Variants in CTNND2 observed in about 807,000 individuals in gnomAD.
CTNND2 encodes catenin delta 2.
A neutral mutation model predicts 144.4 loss-of-function variants in CTNND2; 22 were observed. The observed-to-expected ratio is 0.15, with a 90% confidence interval of 0.11 to 0.22. The LOEUF (loss-of-function observed/expected upper bound fraction) is 0.22. CTNND2 is among the 10% of genes least tolerant of loss of function. The pLI is 1.00. For synonymous variants in CTNND2, 751 were observed against 695.6 expected, an observed-to-expected ratio of 1.08 and a Z score of -1.25; for missense variants, 1,353 against 1,618.8, an observed-to-expected ratio of 0.84 and a Z score of 2.82.
At chr5:11,646,006 T>C (rs865986209) in intron 2 of CTNND2, among the ~76,000 whole-genome samples, 19 of 152,296 alleles carry the variant, frequency 1.2e-4, no homozygotes, top group African/African-American at 3.8e-4. Context: ...ATAAAACATA[T>C]GATTCCATTT....
At chr5:11,396,209 G>A (rs1760114604) in intron 6 of CTNND2, among the ~76,000 whole-genome samples, 1 of 152,092 alleles carries the variant, frequency 6.6e-6, no homozygotes, top group South Asian at 2.1e-4. Flanking sequence ...AGGTTAGAAG[G>A]ACTTATGTTG....
chr5:11,293,234 C>T (rs143521055), intron 9 of CTNND2, among the ~76,000 whole-genome samples: 146 of 152,280 alleles, frequency 9.6e-4, no homozygotes, highest in Non-Finnish European at 1.8e-3. Context: ...CACTAAACTC[C>T]AGGCCTCTCC....
intron 2 of CTNND2, among the ~76,000 whole-genome samples, chr5:11,607,206 A>T (rs572127342): frequency 6.6e-6 from 1 of 152,142 alleles, no homozygotes; most frequent in Non-Finnish European, 1.5e-5. Flanking sequence ...TTGATCTTGG[A>T]CTTCTGGCCT....
chr5:11,421,324 T>C (rs1462266578), intron 3 of CTNND2, among the ~76,000 whole-genome samples: 2 of 152,162 alleles, frequency 1.3e-5, no homozygotes, highest in African/African-American at 4.8e-5. Context: ...CAAGATACCC[T>C]ACATCTGTGA....
chr5:11,175,762 G>A (rs1434112836), intron 11 of CTNND2, among the ~76,000 whole-genome samples: 1 of 151,786 alleles, frequency 6.6e-6, no homozygotes, highest in African/African-American at 2.4e-5. Context: ...CCTAAAACTT[G>A]GATCGCTGGG....
intron 3 of CTNND2, among the ~76,000 whole-genome samples, chr5:11,451,745 G>A (rs369784164): frequency 2.6e-5 from 4 of 152,142 alleles, no homozygotes; most frequent in East Asian, 3.8e-4. Flanking sequence ...TAATTCGCAC[G>A]TTCAAGATCT....
chr5:11,226,645 T>G (rs1028871919), intron 10 of CTNND2, among the ~76,000 whole-genome samples: 1 of 152,322 alleles, frequency 6.6e-6, no homozygotes, highest in East Asian at 1.9e-4. Flanking sequence ...ATGAGACTTA[T>G]TTACTATCAC....
At chr5:11,825,592 A>G (rs1203010064) in intron 1 of CTNND2, among the ~76,000 whole-genome samples, 1 of 152,116 alleles carries the variant, frequency 6.6e-6, no homozygotes, top group Admixed American at 6.5e-5. Context: ...AGAGACTATC[A>G]GAGAACATTA....
intron 9 of CTNND2, among the ~76,000 whole-genome samples, chr5:11,260,570 T>G (rs1035805430): frequency 9.2e-5 from 14 of 152,324 alleles, no homozygotes; most frequent in Admixed American, 9.2e-4. Context: ...AGGGCCTTCT[T>G]GCTACCTCAT....
At chr5:11,653,070 C>CGTGTGTGTGT (rs58056553) in intron 2 of CTNND2, among the ~76,000 whole-genome samples, 23 of 143,594 alleles carry the variant, frequency 1.6e-4, no homozygotes, top group Middle Eastern at 3.4e-3. Flanking sequence ...GAACAAAATT[C>CGTGTGTGTGT]GTGTGTGTGT....
intron 2 of CTNND2, among the ~76,000 whole-genome samples, chr5:11,609,444 T>C (rs900283127): frequency 2.6e-5 from 4 of 152,156 alleles, no homozygotes; most frequent in African/African-American, 9.7e-5. Flanking sequence ...TCCAAATCAG[T>C]GACTCTCAAT....
At chr5:11,673,915 T>C (rs1466438745) in intron 2 of CTNND2, among the ~76,000 whole-genome samples, 1 of 152,190 alleles carries the variant, frequency 6.6e-6, no homozygotes, top group African/African-American at 2.4e-5. Flanking sequence ...GGGTTTTGAT[T>C]TGTGCATGTC....
chr5:11,608,897 T>C (rs1039112952), intron 2 of CTNND2, among the ~76,000 whole-genome samples: 4 of 152,228 alleles, frequency 2.6e-5, no homozygotes, highest in African/African-American at 9.6e-5. Flanking sequence ...CTGGATTTGA[T>C]AGGACTCTGC....
In CTNND2 at chr5:11,539,660, C is replaced by A. The variant is rs144803015; in HGVS notation, c.287+25284G>T. 5.4e-3 allele frequency among the ~76,000 whole-genome samples: 830 copies of A among 152,332 alleles called. 6 individuals carry two copies. The highest frequency in any genetic ancestry group is 0.019 in the African/African-American group (795 of 41,588). ...GTCAGTGGAATTTGCAGCCTTTCTG[C>A]AGCCAATATGAAGCCTTCAATGCCA... is the stretch of plus-strand genomic sequence containing the variant. On this transcript the variant is annotated intron_variant, in intron 3 of 21. Transcript: ENST00000304623.
intron 11 of CTNND2, among the ~76,000 whole-genome samples, chr5:11,177,328 T>C (rs1760572943): frequency 6.6e-6 from 1 of 152,180 alleles, no homozygotes; most frequent in Non-Finnish European, 1.5e-5. Context: ...TATTCAATTA[T>C]AAAATTCAAG....
intron 1 of CTNND2, among the ~76,000 whole-genome samples, chr5:11,901,204 C>G (rs563544547): frequency 2.0e-5 from 3 of 152,166 alleles, no homozygotes; most frequent in Non-Finnish European, 4.4e-5. Flanking sequence ...TCTGAAAACC[C>G]CTTCGACAAG....
At chr5:11,344,256 G>C (rs894660754) in intron 9 of CTNND2, among the ~76,000 whole-genome samples, 2 of 152,202 alleles carry the variant, frequency 1.3e-5, no homozygotes, top group African/African-American at 2.4e-5. Flanking sequence ...GCCGGGCGCG[G>C]TGGCGGGCGC....
At chr5:11,645,261 C>T (rs1782285718) in intron 2 of CTNND2, among the ~76,000 whole-genome samples, 1 of 152,094 alleles carries the variant, frequency 6.6e-6, no homozygotes, top group African/African-American at 2.4e-5. Context: ...GCCACCATGC[C>T]CAGTCTAATT....
chr5:11,670,121 G>T (rs559799330), intron 2 of CTNND2, among the ~76,000 whole-genome samples: 1 of 152,274 alleles, frequency 6.6e-6, no homozygotes, highest in East Asian at 1.9e-4. Context: ...GTAACAGTTT[G>T]TTATGATTTC....
Sources: gnomAD v4.1 joint callset for allele counts (sites outside exome capture counted in the v4.1 genomes callset) on GRCh38, gnomAD v4.1.1 for gene constraint, MANE v1.5 for transcripts, NCBI Gene and HGNC (gene_info 2026-07-23, HGNC 2026-07-21) for gene names.